Variants in RFC1 observed in about 807,000 individuals in gnomAD.
RFC1 encodes replication factor C subunit 1.
In RFC1, 37 loss-of-function variants were observed where a neutral mutation model predicts 137.4. The observed-to-expected ratio is 0.27, with a 90% CI of 0.21 to 0.35. The LOEUF is 0.35. Among genes scored for constraint, RFC1 ranks in the 10% least tolerant of loss-of-function variants. RFC1 has a pLI of 1.00. For missense variants in RFC1, 1,205 were observed against 1,358.5 expected (o/e 0.89, Z 1.78); for synonymous variants, 429 against 455.7 (o/e 0.94, Z 0.75).
At chr4:39,323,138 G>A in intron 7 of RFC1, 1 of 379,638 alleles carries the variant, frequency 2.6e-6, no homozygotes, top group Non-Finnish European at 4.7e-6. Context: ...TGTGATAAAA[G>A]GTTCTGGTTT....
chr4:39,305,119 A>G (rs1219110823), intron 14 of RFC1, among the ~76,000 whole-genome samples, 191 bp from the exon 15 acceptor site: 1 of 152,256 alleles, frequency 6.6e-6, no homozygotes, highest in Non-Finnish European at 1.5e-5. Context: ...AATTTTTAGA[A>G]TATCATATAC....
At chr4:39,301,161 G>C (rs960829611) in intron 19 of RFC1, among the ~76,000 whole-genome samples, 1 of 151,676 alleles carries the variant, frequency 6.6e-6, no homozygotes, top group Non-Finnish European at 1.5e-5. Flanking sequence ...CCATTACTAC[G>C]TGAAAAAAGC....
In RFC1 at chr4:39,320,403, T is replaced by A; in HGVS notation, c.1075A>T (p.Ser359Cys). 1 of 1,553,904 alleles carries A rather than the reference T, an allele frequency of 6.4e-7. No individual in the cohort carries two copies. The highest frequency in any genetic ancestry group is 8.6e-7 in the Non-Finnish European group (1 of 1,159,608). ...GETKTPKKTK[S>C]SPAKKESVSP... ...CTTACCTCTTTTTTAGCTGGAGAAC[T>A]TTTGGTTTTCTTAGGAGTTTTTGTC... Residue 359 changes from serine (S) to cysteine (C), a missense_variant, in exon 9 of 25, where the codon AGT becomes TGT. Coordinates refer to ENST00000349703, the MANE Select transcript of RFC1 (RefSeq NM_002913.5).
intron 9 of RFC1, among the ~76,000 whole-genome samples, chr4:39,318,925 T>C (rs1175872781): frequency 6.6e-6 from 1 of 152,232 alleles, no homozygotes; most frequent in Non-Finnish European, 1.5e-5. Context: ...TAGTGGTTTC[T>C]CATTATGAAT....
chr4:39,300,563 T>C (rs927990681), intron 19 of RFC1, 149 bp from the exon 20 acceptor site: 1 of 643,388 alleles, frequency 1.6e-6, no homozygotes, highest in African/African-American at 1.8e-5. Context: ...TCTTACAAAA[T>C]TAAACATACT....
chr4:39,339,125 C>T (rs1740494339), intron 4 of RFC1, among the ~76,000 whole-genome samples: 2 of 151,942 alleles, frequency 1.3e-5, no homozygotes, highest in South Asian at 2.1e-4. Flanking sequence ...TTACATATAC[C>T]GCAATTCCTT....
At chr4:39,315,686 A>G (rs1739204568) in intron 10 of RFC1, among the ~76,000 whole-genome samples, 1 of 152,152 alleles carries the variant, frequency 6.6e-6, no homozygotes, top group Non-Finnish European at 1.5e-5. Context: ...TAACAAGATC[A>G]TCCCCAATAC....
intron 12 of RFC1, 62 bp downstream of exon 12, chr4:39,311,383 T>C: frequency 7.3e-7 from 1 of 1,366,432 alleles, no homozygotes; most frequent in South Asian, 1.2e-5. Context: ...ACCCAAGACA[T>C]ATGTCTATGA....
At chr4:39,317,795 TA>T (rs11287866) in intron 9 of RFC1, 71,409 of 151,970 alleles carry the variant, frequency 0.47, 16,970 homozygotes, top group African/African-American at 0.5. Flanking sequence ...CTTCCTATTT[TA>T]ACATTATTTT....
At chr4:39,362,057 C>T (rs965382047) in intron 1 of RFC1, among the ~76,000 whole-genome samples, 3 of 152,000 alleles carry the variant, frequency 2.0e-5, no homozygotes, top group African/African-American at 7.2e-5. Flanking sequence ...AAATCAGTTC[C>T]ATTAAAAAAA....
intron 1 of RFC1, among the ~76,000 whole-genome samples, chr4:39,357,372 C>T (rs1741528504): frequency 6.6e-6 from 1 of 152,164 alleles, no homozygotes; most frequent in South Asian, 2.1e-4. Flanking sequence ...CAATGAAATA[C>T]TCTATCACAG....
intron 3 of RFC1, among the ~76,000 whole-genome samples, chr4:39,344,536 C>T (rs1486604507): frequency 6.6e-6 from 1 of 152,116 alleles, no homozygotes; most frequent in Admixed American, 6.5e-5. Flanking sequence ...CCGAGGAAGG[C>T]GAATTGTTTG....
chr4:39,309,592 T>C (rs1380221536), intron 12 of RFC1, among the ~76,000 whole-genome samples: 1 of 152,238 alleles, frequency 6.6e-6, no homozygotes, highest in African/African-American at 2.4e-5. Flanking sequence ...TATATTCTAA[T>C]GTCTCCATAC....
rs1409394261 is a variant in RFC1 at position 39,351,343 on chromosome 4, C to CT, written c.132+4dup. ...TCAATGCAAAATTATACCCAGAAAA[C>CT]TAACCTTGATTTCCTTTATTCCTTT... On this transcript the variant is annotated splice_donor_region_variant and intron_variant, in intron 2 of 24. Coordinates refer to ENST00000349703, the MANE Select transcript of RFC1 (RefSeq NM_002913.5). The CT allele has an allele frequency of 7.1e-7, 1 of 1,401,014 alleles. No homozygotes were observed. Among genetic ancestry groups the CT allele is most frequent in the Non-Finnish European group, 9.4e-7 (1 of 1,067,880 alleles). The allele number at this position is 1,401,014 out of a possible 1,614,324, so 86.8% of individuals were successfully genotyped here. A position where few individuals can be genotyped will look rare whatever the true frequency, so the allele number is the denominator to read the frequency against.
chr4:39,302,488 TATTTA>T lies in RFC1; in HGVS notation c.2436+7_2436+11del. 1 of 1,547,440 alleles carries T rather than the reference TATTTA, an allele frequency of 6.5e-7. No individual in the cohort carries two copies. Among genetic ancestry groups the T allele is most frequent in the Middle Eastern group, 1.7e-4 (1 of 5,934 alleles). ...TAATCAACAACTGTTACATGATATA[TATTTA>T]ATTTACCTGTCTGATATCTTGATTG... On this transcript the variant is annotated splice_region_variant and intron_variant, in intron 18 of 24. Coordinates refer to ENST00000349703, the MANE Select transcript of RFC1 (RefSeq NM_002913.5).
chr4:39,291,458 A>G (rs1049216025), intron 23 of RFC1, among the ~76,000 whole-genome samples, 181 bp downstream of exon 23: 1 of 152,244 alleles, frequency 6.6e-6, no homozygotes, highest in African/African-American at 2.4e-5. Flanking sequence ...AGTCAAGCCC[A>G]GAAGTCTACT....
In RFC1 at chr4:39,323,368, A is replaced by G. The variant is rs1739613912; in HGVS notation, c.692T>C (p.Met231Thr). ...EDEEFARTLA[M>T]LDEEPKTKKA... ...TTTGGTCTTGGGTTCTTCATCCAACATGGCTAATGTTCTGGCAAACTCTTC... is the reference window on the plus strand; with the variant it reads ...TTTGGTCTTGGGTTCTTCATCCAACGTGGCTAATGTTCTGGCAAACTCTTC... The change falls in exon 7 of 25, where the codon ATG becomes ACG. Residue 231 changes from methionine (M) to threonine (T), a missense_variant. Physicochemically the swap from Met to Thr is moderately conservative, Grantham distance 81 (BLOSUM62 -1). Around this residue, in one of 3 missense-constraint regions of RFC1, gnomAD observed 962 missense variants for 1,035.3 expected, o/e 0.93. Coordinates refer to ENST00000349703, the MANE Select transcript of RFC1 (RefSeq NM_002913.5). 1 of 1,613,956 alleles carries G rather than the reference A, an allele frequency of 6.2e-7. No individual in the cohort carries two copies. Among genetic ancestry groups the G allele is most frequent in the Non-Finnish European group, 8.5e-7 (1 of 1,179,986 alleles).
At chr4:39,306,072 C>T (rs1032059560) in intron 14 of RFC1, among the ~76,000 whole-genome samples, 1 of 152,224 alleles carries the variant, frequency 6.6e-6, no homozygotes, top group Non-Finnish European at 1.5e-5. Context: ...AAGTCAAGTT[C>T]TCCCATTGTC....
chr4:39,365,993 G>A lies in RFC1; in HGVS notation c.3+246C>T, dbSNP rs527562008. Among the ~76,000 whole-genome samples the A allele has an allele frequency of 3.3e-5, 5 of 152,290 alleles. No individual in the cohort carries two copies. In the East Asian group the frequency reaches 9.6e-4, roughly 29 times the overall value. ...CCTTCCCCCAAGAGTGGGGGGCGGG[G>A]GGAAAGTGCAAGTACACGTAGCAAC... On this transcript the variant is annotated intron_variant, in intron 1 of 24. Coordinates refer to ENST00000349703, the MANE Select transcript of RFC1 (RefSeq NM_002913.5).
Sources: gnomAD v4.1 joint callset for allele counts (sites outside exome capture counted in the v4.1 genomes callset) on GRCh38, gnomAD v4.1.1 for gene constraint, gnomAD v4.1.1 regional missense constraint, MANE v1.5 for transcripts, NCBI Gene and HGNC (gene_info 2026-07-23, HGNC 2026-07-21) for gene names.